The following TM6SF1 variants were observed in gnomAD, a reference collection of about 807,000 sequenced individuals.
The protein encoded by TM6SF1 is transmembrane 6 superfamily member 1.
TM6SF1 carries 43 observed loss-of-function variants against 47.1 expected under a neutral mutation model. That is an observed-to-expected ratio of 0.91 (90% CI 0.72 to 1.18). The LOEUF is 1.18. TM6SF1 is among the 50% of genes most tolerant of loss of function. The pLI is 0.00. For missense variants in TM6SF1, 390 were observed against 449.0 expected (o/e 0.87, Z 1.19); for synonymous variants, 177 against 166.3 (o/e 1.06, Z -0.49).
intron 8 of TM6SF1, among the ~76,000 whole-genome samples, 154 bp from the exon 9 acceptor site, chr15:83,127,204 T>C (rs1301047666): frequency 7.6e-6 from 1 of 132,310 alleles, no homozygotes; most frequent in African/African-American, 2.9e-5. Flanking sequence ...AAAAAATAAA[T>C]AAATAAAAAT....
intron 3 of TM6SF1, among the ~76,000 whole-genome samples, chr15:83,117,810 G>A (rs2034811025): frequency 6.6e-6 from 1 of 152,082 alleles, no homozygotes; most frequent in Admixed American, 6.6e-5. Flanking sequence ...CAGGCCTTGA[G>A]AATCTTTATC....
intron 2 of TM6SF1, chr15:83,113,270 G>T (rs1346241365): frequency 3.2e-6 from 1 of 310,942 alleles, no homozygotes; most frequent in Non-Finnish European, 6.2e-6. Context: ...TAACTGTGTG[G>T]TGTCTGGGTC....
At chr15:83,126,201 T>C (rs1373817075) in intron 7 of TM6SF1, among the ~76,000 whole-genome samples, 1 of 151,996 alleles carries the variant, frequency 6.6e-6, no homozygotes, top group Non-Finnish European at 1.5e-5. Context: ...GCCAAAGACA[T>C]GAGGAATGGT....
At chr15:83,128,095 C>G (rs1334891341) in intron 9 of TM6SF1, 1 of 152,106 alleles carries the variant, frequency 6.6e-6, no homozygotes, top group Non-Finnish European at 1.5e-5. Context: ...ATCTTCTGAA[C>G]AAGGAAGAAA....
At chr15:83,123,228 G>A (rs1377984009) in intron 6 of TM6SF1, among the ~76,000 whole-genome samples, 1 of 152,112 alleles carries the variant, frequency 6.6e-6, no homozygotes, top group Non-Finnish European at 1.5e-5. Context: ...GAACACCTGG[G>A]TTCCTCTGTG....
intron 9 of TM6SF1, chr15:83,132,118 C>G (rs1477653809): frequency 6.6e-6 from 1 of 152,184 alleles, no homozygotes; most frequent in Non-Finnish European, 1.5e-5. Context: ...ATAACAGTAG[C>G]TTTCTCATGG....
chr15:83,124,384 C>G (rs1375022831), intron 6 of TM6SF1, among the ~76,000 whole-genome samples: 2 of 151,888 alleles, frequency 1.3e-5, no homozygotes, highest in Admixed American at 1.3e-4. Flanking sequence ...TATGGTTTAC[C>G]TTTAAAATTT....
At position 83,136,518 on chromosome 15, in the gene TM6SF1, G is replaced by C; in HGVS notation, c.959G>C (p.Arg320Thr). The C allele has an allele frequency of 6.2e-7, 1 of 1,604,628 alleles. No individual in the cohort carries two copies. The highest frequency in any genetic ancestry group is 8.5e-7 in the Non-Finnish European group (1 of 1,177,694). Residue 320 changes from arginine to threonine, a missense_variant, in exon 10 of 10, where the codon AGA becomes ACA. Arg to Thr is a moderately conservative substitution (Grantham distance 71). Transcript: ENST00000322019. ...CACATTGGTGCATCTCTTCATGCTA[G>C]AACTGCTTATGTCTACAGAGTCCCT... ...FSHIGASLHA[R>T]TAYVYRVPEE...
At chr15:83,114,733 T>C (rs960808820) in intron 2 of TM6SF1, 2 of 152,302 alleles carry the variant, frequency 1.3e-5, no homozygotes, top group Non-Finnish European at 2.9e-5. Context: ...CTTCTGTCCA[T>C]GTCCATCCCA....
intron 4 of TM6SF1, among the ~76,000 whole-genome samples, chr15:83,120,407 G>C (rs2035111261): frequency 1.3e-5 from 2 of 152,146 alleles, no homozygotes; most frequent in South Asian, 4.1e-4. Flanking sequence ...TAACCCAGAA[G>C]GTACACCCTT....
chr15:83,131,733 A>T (rs1479652218), intron 9 of TM6SF1: 1 of 152,228 alleles, frequency 6.6e-6, no homozygotes, highest in African/African-American at 2.4e-5. Flanking sequence ...AAGATCAAGG[A>T]AAGAGTAAAA....
In TM6SF1 at chr15:83,107,717, T is replaced by C; in HGVS notation, c.37T>C (p.Ser13Pro). 6.3e-7 allele frequency: 1 copy of C among 1,578,234 alleles called. No homozygotes were observed. The highest frequency in any genetic ancestry group is 8.6e-7 in the Non-Finnish European group (1 of 1,164,314). ...TGCGGCCACCGGGGTCTTCGTGCTG[T>C]CCCTCTCGGCCATCCCGGTCACCTA... ...ASAATGVFVL[S>P]LSAIPVTYVF... Residue 13 changes from serine (S) to proline (P), a missense_variant, in exon 1 of 10, where the codon TCC becomes CCC. Transcript: ENST00000322019. This position sits in a 1 kb window ranked among gnomAD's most constrained non-coding sequence, Gnocchi z 5.6.
intron 1 of TM6SF1, chr15:83,111,577 GGACGGT>G (rs2034185770): frequency 1.0e-6 from 1 of 978,472 alleles, no homozygotes; most frequent in Non-Finnish European, 1.2e-6. Context: ...CTCTCCTAGG[GGACGGT>G]GATAGTTATC....
At position 83,122,853 on chromosome 15, in the gene TM6SF1, C is replaced by T; in HGVS notation, c.578C>T (p.Ser193Leu). Residue 193 changes from serine (S) to leucine (L), a missense_variant, in exon 6 of 10, where the codon TCA (serine) becomes TTA (leucine). Ser to Leu is a moderately radical substitution (Grantham distance 145). Coordinates refer to ENST00000322019, the MANE Select transcript of TM6SF1 (RefSeq NM_023003.5). ...GGTTTCAGAATCTATAATCAGCCAT[C>T]AGAAAATTATAATTACCCCTCAAAG... ...WAGFRIYNQP[S>L]ENYNYPSKVI... 6.2e-7 allele frequency: 1 copy of T among 1,613,986 alleles called. No homozygotes were observed. The highest frequency in any genetic ancestry group is 1.1e-5 in the South Asian group (1 of 91,078).
chr15:83,124,205 A>G (rs1449498924), intron 6 of TM6SF1, among the ~76,000 whole-genome samples: 2 of 152,186 alleles, frequency 1.3e-5, no homozygotes, highest in Non-Finnish European at 2.9e-5. Context: ...AAGAACAAAT[A>G]CAGAATTGTT....
chr15:83,109,247 C>A (rs1199017524), intron 1 of TM6SF1, among the ~76,000 whole-genome samples: 1 of 152,088 alleles, frequency 6.6e-6, no homozygotes, highest in Non-Finnish European at 1.5e-5. Context: ...GGGAATGGAG[C>A]CTGTCGGGCA....
Position 83,120,587 on chromosome 15 carries a change from C to CTT in TM6SF1, c.398+926_398+927dup, listed in dbSNP as rs993490763. Among the ~76,000 whole-genome samples, 64 of 125,918 alleles carry CTT rather than the reference C, an allele frequency of 5.1e-4. 1 individual carries two copies. The South Asian group carries it at 7.6e-3, about 15-fold the overall frequency. 82.6% of individuals were successfully genotyped at this position (125,918 alleles called of 152,430 possible). A position where few individuals can be genotyped will look rare whatever the true frequency, so the allele number is the denominator to read the frequency against. On this transcript the variant is annotated intron_variant, in intron 4 of 9. Coordinates refer to ENST00000322019, the MANE Select transcript of TM6SF1 (RefSeq NM_023003.5). ...CACTCAAGGTCAGCTCCAGCTAATT[C>CTT]TTTTTTTTTTTTTTTTTTTTTGAGA... is the stretch of plus-strand genomic sequence containing the variant.
chr15:83,115,801 C>T (rs753055836), intron 2 of TM6SF1, 44 bp from the exon 3 acceptor site: 6 of 1,292,280 alleles, frequency 4.6e-6, no homozygotes, highest in Non-Finnish European at 4.5e-6. Flanking sequence ...TAGTAATTGT[C>T]TCCTGAGCTA....
chr15:83,122,754 T>A lies in TM6SF1; in HGVS notation c.482-3T>A. The A allele has an allele frequency of 6.2e-7, 1 of 1,613,036 alleles. No individual in the cohort carries two copies. Among genetic ancestry groups the A allele is most frequent in the East Asian group, 2.2e-5 (1 of 44,858 alleles). On this transcript the variant is annotated splice_polypyrimidine_tract_variant and splice_region_variant and intron_variant, in intron 5 of 9. Transcript: ENST00000322019. ...CTTCTTTCTCTTTCTCTCTTTTAAA[T>A]AGGGAAGTATGGAACACGAATTTGC...
Sources: allele counts gnomAD v4.1 joint callset (sites outside exome capture counted in the v4.1 genomes callset), GRCh38; gene constraint gnomAD v4.1.1; non-coding constraint Gnocchi (gnomAD v3.1); transcripts MANE v1.5; gene names NCBI Gene and HGNC (gene_info 2026-07-23, HGNC 2026-07-21).